Variants in NCAM1 observed in about 807,000 individuals in gnomAD.
The protein encoded by NCAM1 is antigen recognized by monoclonal antibody 5.1H11.
NCAM1 carries 14 observed loss-of-function variants against 109.8 expected under a neutral mutation model. The observed-to-expected ratio is 0.13, with a 90% CI of 0.08 to 0.20. The LOEUF is 0.20. Among genes scored for constraint, NCAM1 ranks in the 10% least tolerant of loss-of-function variants. The pLI is 1.00. For missense variants in NCAM1, 774 were observed against 1,109.9 expected (o/e 0.70, Z 4.30); for synonymous variants, 418 against 442.9 (o/e 0.94, Z 0.70).
rs1261646254 is a variant in NCAM1, at chr11:113,237,877, TATATAGATATATAG to T, written c.1825+2733_1825+2746del. Reference sequence around the variant, plus strand: ...GACCATATATATAGATATATAGATATATATAGATATATAGATATAGATATATAGATATATATAGA... The same window carrying T: ...GACCATATATATAGATATATAGATATATATAGATATATAGATATATATAGA... On this transcript the variant is annotated intron_variant, in intron 14 of 19. Transcript: ENST00000316851. 1.4e-4 allele frequency among the ~76,000 whole-genome samples: 10 copies of T among 73,188 alleles called. 1 individual carries two copies. Among genetic ancestry groups the T allele is most frequent in the African/African-American group, 3.7e-4 (8 of 21,816 alleles). The allele number at this position is 73,188 out of a possible 152,430, so 48.0% of individuals were successfully genotyped here.
chr11:113,124,603 G>A lies in NCAM1; in HGVS notation c.53-77776G>A, dbSNP rs540885828. Among the ~76,000 whole-genome samples the A allele has an allele frequency of 3.3e-5, 5 of 152,252 alleles. No homozygotes were observed. The South Asian group carries it at 1.0e-3, about 32-fold the overall frequency. ...CGGTTCATTACATATGGGAAACTGA[G>A]GTGTATTTCATTCTTTGGCATAGCT... On this transcript the variant is annotated intron_variant, in intron 1 of 19. Coordinates refer to ENST00000316851, the MANE Select transcript of NCAM1 (RefSeq NM_181351.5).
intron 14 of NCAM1, among the ~76,000 whole-genome samples, chr11:113,240,205 C>T (rs1451676418): frequency 6.6e-6 from 1 of 152,192 alleles, no homozygotes; most frequent in Non-Finnish European, 1.5e-5. Flanking sequence ...GCAGTGGTTG[C>T]AGCATCATCT....
intron 1 of NCAM1, among the ~76,000 whole-genome samples, chr11:112,982,011 C>A (rs1951167244): frequency 6.6e-6 from 1 of 151,882 alleles, no homozygotes; most frequent in Non-Finnish European, 1.5e-5. Context: ...ATACAGGTGG[C>A]ATCAAGCCCA....
intron 8 of NCAM1, among the ~76,000 whole-genome samples, chr11:113,218,024 A>G (rs1555114630): frequency 6.6e-6 from 1 of 152,224 alleles, no homozygotes; most frequent in Non-Finnish European, 1.5e-5. Context: ...AATTCACCTT[A>G]GAAGTCTATG....
intron 15 of NCAM1, among the ~76,000 whole-genome samples, chr11:113,253,750 T>C (rs781855055): frequency 1.3e-5 from 2 of 152,142 alleles, no homozygotes; most frequent in African/African-American, 2.4e-5. Flanking sequence ...ATGCTGCCTA[T>C]AAAAATCCCC....
chr11:113,247,746 G>T (rs1380583493), intron 15 of NCAM1, among the ~76,000 whole-genome samples: 1 of 152,162 alleles, frequency 6.6e-6, no homozygotes, highest in African/African-American at 2.4e-5. Context: ...CCAATAAATT[G>T]GGCTTACCTT....
chr11:113,222,651 G>T (rs1944721722), intron 9 of NCAM1, among the ~76,000 whole-genome samples: 1 of 152,206 alleles, frequency 6.6e-6, no homozygotes, highest in Non-Finnish European at 1.5e-5. Flanking sequence ...CTCTTAAGCA[G>T]CTACAGATCT....
chr11:113,069,761 G>A (rs1938172064), intron 1 of NCAM1, among the ~76,000 whole-genome samples: 1 of 152,212 alleles, frequency 6.6e-6, no homozygotes, highest in Non-Finnish European at 1.5e-5. Flanking sequence ...AGAATATGGA[G>A]ACAGTCTATT....
At chr11:113,246,264 A>T in intron 14 of NCAM1, 104 bp from the exon 15 acceptor site, 1 of 646,996 alleles carries the variant, frequency 1.5e-6, no homozygotes, top group Non-Finnish European at 2.8e-6. Context: ...TTTCCATGTG[A>T]CCTCCTCCAC....
Position 113,232,725 on chromosome 11 carries a change from C to A in NCAM1, c.1433C>A (p.Pro478Gln). 2 of 1,613,444 alleles carry A rather than the reference C, an allele frequency of 1.2e-6. No individual in the cohort carries two copies. The highest frequency in any genetic ancestry group is 1.7e-6 in the Non-Finnish European group (2 of 1,179,390). The change falls in exon 12 of 20, where the codon CCA (proline) becomes CAA (glutamine). Residue 478 changes from proline (P) to glutamine (Q), a missense_variant. By Grantham distance (76) the Pro-to-Gln change is moderately conservative (BLOSUM62 -1). Around this residue, in one of 4 missense-constraint regions of NCAM1, gnomAD observed 523 missense variants for 784.2 expected, o/e 0.67. Coordinates refer to ENST00000316851, the MANE Select transcript of NCAM1 (RefSeq NM_181351.5). ...AGCTTCTTCCTTCTAAAGGTGACCC[C>A]AGACTCTGAGAATGATTTTGGGAAC... Reference protein sequence around the residue: ...TPSASYLEVTPDSENDFGNYN... With the variant: ...TPSASYLEVTQDSENDFGNYN...
chr11:113,000,955 G>T (rs1951739554), intron 1 of NCAM1, among the ~76,000 whole-genome samples: 1 of 151,496 alleles, frequency 6.6e-6, no homozygotes, highest in Admixed American at 6.6e-5. Flanking sequence ...TAGGCACTTT[G>T]GTTATAATTA....
intron 1 of NCAM1, among the ~76,000 whole-genome samples, chr11:113,113,355 C>CTGGGCAATGTAAAGAAA (rs1401132059): frequency 1.3e-5 from 2 of 152,138 alleles, no homozygotes; most frequent in African/African-American, 4.8e-5. Context: ...GCCAGATGCA[C>CTGGGCAATGTAAAGAAA]TGGGCAATGT....
intron 1 of NCAM1, among the ~76,000 whole-genome samples, chr11:113,192,443 C>G (rs1555110049): frequency 6.6e-6 from 1 of 152,096 alleles, no homozygotes; most frequent in African/African-American, 2.4e-5. Flanking sequence ...GAAAAGGGAG[C>G]AAGAAACCTG....
chr11:113,043,459 C>A (rs1953149785), intron 1 of NCAM1, among the ~76,000 whole-genome samples: 1 of 152,182 alleles, frequency 6.6e-6, no homozygotes, highest in Non-Finnish European at 1.5e-5. Flanking sequence ...GCCCCAGCCT[C>A]CTGAGTAGCT....
At chr11:113,030,569 T>C (rs1952684850) in intron 1 of NCAM1, among the ~76,000 whole-genome samples, 1 of 152,190 alleles carries the variant, frequency 6.6e-6, no homozygotes, top group Non-Finnish European at 1.5e-5. Context: ...TTTGGTGAGA[T>C]TATCAATCTC....
At chr11:113,241,617 C>A (rs1945328224) in intron 14 of NCAM1, among the ~76,000 whole-genome samples, 6 of 152,210 alleles carry the variant, frequency 3.9e-5, no homozygotes, top group Admixed American at 3.9e-4. Context: ...CATTTCTGAT[C>A]TAATTAATGT....
At chr11:113,047,961 C>A (rs1396173068) in intron 1 of NCAM1, among the ~76,000 whole-genome samples, 1 of 152,120 alleles carries the variant, frequency 6.6e-6, no homozygotes, top group African/African-American at 2.4e-5. Context: ...ATAGTGAAAC[C>A]ATATCATCCT....
At chr11:113,106,287 A>G (rs1940156544) in intron 1 of NCAM1, among the ~76,000 whole-genome samples, 1 of 152,202 alleles carries the variant, frequency 6.6e-6, no homozygotes, top group African/African-American at 2.4e-5. Context: ...TTTTTCTATA[A>G]CAACAAACAT....
chr11:113,040,102 A>G (rs1555079738), intron 1 of NCAM1, among the ~76,000 whole-genome samples: 1 of 152,210 alleles, frequency 6.6e-6, no homozygotes, highest in African/African-American at 2.4e-5. Flanking sequence ...AGATCGCGTC[A>G]CTGCACTCCA....
Sources: allele counts gnomAD v4.1 joint callset (sites outside exome capture counted in the v4.1 genomes callset), GRCh38; gene constraint gnomAD v4.1.1; regional missense constraint gnomAD v4.1.1; transcripts MANE v1.5; gene names NCBI Gene and HGNC (gene_info 2026-07-23, HGNC 2026-07-21).